ABR: variants seen among roughly 807,000 people sequenced by gnomAD.
ABR encodes the protein active breakpoint cluster region-related protein.
In ABR, 35 loss-of-function variants were observed where a neutral mutation model predicts 107.2. The ratio of observed to expected loss-of-function variants is 0.33; its 90% CI spans 0.25 to 0.43. The LOEUF (loss-of-function observed/expected upper bound fraction) is 0.43, where lower values mean the gene tolerates loss of function less well. Among genes scored for constraint, ABR ranks in the 20% least tolerant of loss-of-function variants. ABR has a pLI of 1.00. For synonymous variants in ABR, 498 were observed against 462.0 expected (o/e 1.08, Z -1.00); for missense variants, 815 against 1,115.2 (o/e 0.73, Z 3.83).
intron 2 of ABR, among the ~76,000 whole-genome samples, chr17:1,121,002 G>A (rs534356008): frequency 1.3e-5 from 2 of 152,342 alleles, no homozygotes; most frequent in Admixed American, 1.3e-4. Context: ...CTTGTCAGCT[G>A]AGATGAGTCC....
rs59004026 is a variant in ABR, at chr17:1,100,126, TAAA to T, written c.345+508_345+510del. On this transcript the variant is annotated intron_variant, in intron 3 of 22. Coordinates refer to ENST00000302538, the MANE Select transcript of ABR (RefSeq NM_021962.5). Reference sequence around the variant, plus strand: ...GGGTGACAAGAGCAAAGCTCCGTCTTAAAAAAAAAAAAAAAAAAAAAAAGAACA... The same window carrying T: ...GGGTGACAAGAGCAAAGCTCCGTCTTAAAAAAAAAAAAAAAAAAAAGAACA... 9.2e-3 allele frequency among the ~76,000 whole-genome samples: 1,013 copies of T among 110,170 alleles called. 13 individuals carry two copies. Among genetic ancestry groups the T allele is most frequent in the African/African-American group, 0.032 (916 of 28,996 alleles). The allele number at this position is 110,170 out of a possible 152,430, so 72.3% of individuals were successfully genotyped here. A position where few individuals can be genotyped will look rare whatever the true frequency, so the allele number is the denominator to read the frequency against.
At chr17:1,220,056 C>T (rs767230287) in intron 1 of ABR, among the ~76,000 whole-genome samples, 1 of 152,058 alleles carries the variant, frequency 6.6e-6, no homozygotes, top group South Asian at 2.1e-4. Flanking sequence ...CTTTGGGAGG[C>T]GGAGGCGGGC....
chr17:1,044,295 C>T (rs934720196), intron 16 of ABR, among the ~76,000 whole-genome samples: 2 of 152,228 alleles, frequency 1.3e-5, no homozygotes, highest in African/African-American at 2.4e-5. Flanking sequence ...CTGCCTCGCT[C>T]ACCCTTGCTG....
chr17:1,223,250 A>C (rs12938120), intron 1 of ABR, among the ~76,000 whole-genome samples: 77,050 of 150,952 alleles, frequency 0.51, 20,211 homozygotes, highest in Middle Eastern at 0.57. Context: ...GGCGGGCACC[A>C]GTAATCTCAG....
rs1215108492 is a variant in ABR at position 1,203,414 on chromosome 17, T to C, written c.838+25379A>G. Among the ~76,000 whole-genome samples, 17 of 56,612 alleles carry C rather than the reference T, an allele frequency of 3.0e-4. 5 individuals are homozygous for C. The highest frequency in any genetic ancestry group is 1.9e-3 in the East Asian group (4 of 2,088). The allele number at this position is 56,612 out of a possible 152,430, so 37.1% of individuals were successfully genotyped here. ...GGCGGGGCCCGCGGGGGGCGGAGTC[T>C]GCGGGGGCGGGGCCCGCGGGGACGG... is the stretch of plus-strand genomic sequence containing the variant. On this transcript the variant is annotated intron_variant, in intron 1 of 22. Transcript: ENST00000574139.
At chr17:1,149,801 C>T (rs1270650097) in intron 1 of ABR, among the ~76,000 whole-genome samples, 1 of 152,240 alleles carries the variant, frequency 6.6e-6, no homozygotes, top group Non-Finnish European at 1.5e-5. Flanking sequence ...GGGCACCTGT[C>T]AGCTCCAAAT....
chr17:1,028,125 CTG>C (rs2072367838), intron 16 of ABR, among the ~76,000 whole-genome samples: 1 of 152,140 alleles, frequency 6.6e-6, no homozygotes, highest in South Asian at 2.1e-4. Flanking sequence ...GAGTCTCGCT[CTG>C]TTGCCCAGGC....
At chr17:1,201,614 C>T (rs1228073967) in intron 1 of ABR, among the ~76,000 whole-genome samples, 3 of 152,164 alleles carry the variant, frequency 2.0e-5, no homozygotes, top group Admixed American at 1.3e-4. Context: ...AAAGCAAAAC[C>T]ACACGCTTTG....
At chr17:1,194,944 G>T (rs1258966799) in intron 1 of ABR, among the ~76,000 whole-genome samples, 1 of 143,816 alleles carries the variant, frequency 7.0e-6, no homozygotes, top group Non-Finnish European at 1.5e-5. Flanking sequence ...GAGCCACCGC[G>T]CCCGACCCTA....
intron 1 of ABR, among the ~76,000 whole-genome samples, chr17:1,134,641 G>A (rs1274140633): frequency 1.3e-5 from 2 of 152,170 alleles, no homozygotes; most frequent in African/African-American, 2.4e-5. Flanking sequence ...TCAAATCTCC[G>A]AGATGCTACG....
chr17:1,068,815 G>A (rs2034976497), intron 9 of ABR, among the ~76,000 whole-genome samples: 1 of 152,190 alleles, frequency 6.6e-6, no homozygotes, highest in South Asian at 2.1e-4. Context: ...AGCTTGGGCT[G>A]CTTATTTACC....
rs369528139 is a variant in ABR, at chr17:1,007,742, A to C, written c.2343-430T>G. Among the ~76,000 whole-genome samples the C allele has an allele frequency of 2.0e-5, 3 of 152,246 alleles. No individual in the cohort carries two copies. The East Asian group carries it at 5.8e-4, about 29-fold the overall frequency. ...ACAGAGGGGTTAAGTGACTTGCCCA[A>C]GGTCACACAGCCAGCAACTGGTAGA... On this transcript the variant is annotated intron_variant, in intron 21 of 22. Coordinates refer to ENST00000302538, the MANE Select transcript of ABR (RefSeq NM_021962.5).
Position 1,006,137 on chromosome 17 carries a change from G to C in ABR, c.2523C>G (p.Pro841=). The C allele has an allele frequency of 6.3e-7, 1 of 1,588,052 alleles. No individual in the cohort carries two copies. Among genetic ancestry groups the C allele is most frequent in the Non-Finnish European group, 8.6e-7 (1 of 1,166,944 alleles). ...VQVLLYYLQH[P]PISFAELKRN... ...GCTTGAGTTCTGCGAAGGAAATGGG[G>C]GGGTGCTGCAGGTAGTAGAGGAGGA... Residue 841 remains proline (P), a synonymous_variant, in exon 23 of 23, where the codon CCC becomes CCG. Coordinates refer to ENST00000302538, the MANE Select transcript of ABR (RefSeq NM_021962.5).
At chr17:1,185,382 C>G (rs2042253550) in intron 1 of ABR, among the ~76,000 whole-genome samples, 1 of 152,112 alleles carries the variant, frequency 6.6e-6, no homozygotes, top group East Asian at 1.9e-4. Flanking sequence ...CAGTGGCTCA[C>G]GCCTGTAATC....
chr17:1,153,080 A>AT lies in ABR; in HGVS notation c.61+26586dup, dbSNP rs200020052. 9.8e-3 allele frequency among the ~76,000 whole-genome samples: 1,486 copies of AT among 152,228 alleles called. 19 individuals carry two copies. Among genetic ancestry groups the AT allele is most frequent in the African/African-American group, 0.034 (1,413 of 41,534 alleles). On this transcript the variant is annotated intron_variant, in intron 1 of 22. Transcript: ENST00000302538. Reference sequence around the variant, plus strand: ...AGAGTGAAACTCCGTTAAAAAAAAAATTTTTGACACAGCCTGGGCAGGTTT... The same window carrying AT: ...AGAGTGAAACTCCGTTAAAAAAAAAATTTTTTGACACAGCCTGGGCAGGTTT...
intron 16 of ABR, among the ~76,000 whole-genome samples, chr17:1,018,128 C>T (rs1049478376): frequency 1.1e-4 from 16 of 152,016 alleles, no homozygotes; most frequent in Non-Finnish European, 1.6e-4. Context: ...CTGCAAGCTC[C>T]GCCTCCCGGG....
rs116234621 is a variant in ABR at position 1,093,794 on chromosome 17, C to T, written c.346-1944G>A. On this transcript the variant is annotated intron_variant, in intron 3 of 22. Coordinates refer to ENST00000302538, the MANE Select transcript of ABR (RefSeq NM_021962.5). ...TGAAGTCTCATCTACTCAGATATAT[C>T]GCCTCACTCTGATGGAGACAGAACC... Among the ~76,000 whole-genome samples the T allele has an allele frequency of 2.9e-3, 434 of 152,260 alleles. 1 individual carries two copies. The highest frequency in any genetic ancestry group is 9.4e-3 in the African/African-American group (392 of 41,550).
rs919303801 is a variant in ABR at position 1,042,663 on chromosome 17, C to A, written c.1791+7387G>T. ...ACAGAAGGACAAACAGACGTGGCAC[C>A]TACATCCACAGATGGATGGATAAAT... On this transcript the variant is annotated intron_variant, in intron 16 of 22. Coordinates refer to ENST00000302538, the MANE Select transcript of ABR (RefSeq NM_021962.5). 2.6e-5 allele frequency among the ~76,000 whole-genome samples: 4 copies of A among 151,736 alleles called. No individual in the cohort carries two copies. The East Asian group carries it at 7.8e-4, about 29-fold the overall frequency.
intron 16 of ABR, among the ~76,000 whole-genome samples, chr17:1,045,308 C>T (rs2031387018): frequency 1.3e-5 from 2 of 152,072 alleles, no homozygotes; most frequent in African/African-American, 2.4e-5. Flanking sequence ...CCTCTGAATT[C>T]CTGCGGGACA....
Sources: gnomAD v4.1 joint callset for allele counts (sites outside exome capture counted in the v4.1 genomes callset) on GRCh38, gnomAD v4.1.1 for gene constraint, MANE v1.5 for transcripts, NCBI Gene and HGNC (gene_info 2026-07-23, HGNC 2026-07-21) for gene names.